SRGAP3: variants seen among roughly 807,000 people sequenced by gnomAD.
The protein encoded by SRGAP3 is SLIT-ROBO Rho GTPase-activating protein 3.
In SRGAP3, 39 loss-of-function variants were observed where a neutral mutation model predicts 121.1. The observed-to-expected ratio is 0.32, with a 90% CI of 0.25 to 0.42. The LOEUF (loss-of-function observed/expected upper bound fraction) is 0.42, where lower values mean the gene tolerates loss of function less well. SRGAP3 is among the 10% of genes least tolerant of loss of function. The pLI, the probability that SRGAP3 is intolerant of heterozygous loss-of-function variation, is 1.00. For missense variants in SRGAP3, 1,213 were observed against 1,470.6 expected (o/e 0.82, Z 2.86); for synonymous variants, 601 against 570.0 (o/e 1.05, Z -0.77).
chr3:9,112,117 C>T (rs1010385641), intron 2 of SRGAP3, among the ~76,000 whole-genome samples: 1 of 152,162 alleles, frequency 6.6e-6, no homozygotes, highest in Admixed American at 6.5e-5. Flanking sequence ...GGCTGAGGGC[C>T]GGAAAATTCC....
intron 3 of SRGAP3, among the ~76,000 whole-genome samples, chr3:9,096,960 TATATATATATATATATATATAC>T (rs752406906): frequency 0.058 from 6,092 of 104,142 alleles, 338 homozygotes; most frequent in Non-Finnish European, 0.08. Flanking sequence ...TATATATATA[TATATATATATATATATATATAC>T]ACATACACAC....
chr3:9,001,352 T>C (rs937775199), intron 18 of SRGAP3, among the ~76,000 whole-genome samples: 1 of 152,196 alleles, frequency 6.6e-6, no homozygotes, highest in Non-Finnish European at 1.5e-5. Context: ...TTGTATCCAA[T>C]AAATATGTCC....
At chr3:9,126,594 C>T (rs1370253454) in intron 1 of SRGAP3, among the ~76,000 whole-genome samples, 6 of 151,738 alleles carry the variant, frequency 4.0e-5, no homozygotes, top group African/African-American at 9.7e-5. Flanking sequence ...CCAGCCTGGG[C>T]GACAGAGCAA....
intron 1 of SRGAP3, among the ~76,000 whole-genome samples, chr3:9,154,472 C>A (rs1398549140): frequency 6.6e-6 from 1 of 151,852 alleles, no homozygotes; most frequent in Non-Finnish European, 1.5e-5. Flanking sequence ...CACCATTTCC[C>A]AAGACATTGC....
At chr3:9,112,476 C>T (rs1399426296) in intron 2 of SRGAP3, among the ~76,000 whole-genome samples, 4 of 152,246 alleles carry the variant, frequency 2.6e-5, no homozygotes, top group African/African-American at 9.6e-5. Flanking sequence ...AGCCACACTT[C>T]CCACTTCGTG....
intron 2 of SRGAP3, among the ~76,000 whole-genome samples, chr3:9,119,058 T>A (rs1269662490): frequency 6.6e-6 from 1 of 151,944 alleles, no homozygotes; most frequent in Non-Finnish European, 1.5e-5. Flanking sequence ...GGGTCAAGAG[T>A]CACCCTCTCT....
intron 4 of SRGAP3, among the ~76,000 whole-genome samples, chr3:9,075,394 C>CGCGT (rs1560085560): frequency 5.1e-4 from 73 of 143,844 alleles, no homozygotes; most frequent in African/African-American, 2.0e-3. Context: ...TGTGTGTGCG[C>CGCGT]GCGCACATAT....
rs1460449757 is a variant in SRGAP3 at position 8,983,176 on chromosome 3, C to G, written c.*2343G>C. 4.4e-6 allele frequency: 1 copy of G among 226,752 alleles called. No homozygotes were observed. The allele number at this position is 226,752 out of a possible 1,614,324, so 14.0% of individuals were successfully genotyped here. On this transcript the variant is annotated 3_prime_UTR_variant, in exon 22 of 22. Coordinates refer to ENST00000383836, the MANE Select transcript of SRGAP3 (RefSeq NM_014850.4). ...CAAACACATGACTTTAAGAGCCTGACGCAGCCTCTGCTCCTAGCCAGTGTC... is the reference window on the plus strand; with the variant it reads ...CAAACACATGACTTTAAGAGCCTGAGGCAGCCTCTGCTCCTAGCCAGTGTC...
At chr3:9,286,695 C>T (rs994765957) in intron 3 of SRGAP3, among the ~76,000 whole-genome samples, 7 of 150,882 alleles carry the variant, frequency 4.6e-5, no homozygotes, top group African/African-American at 1.2e-4. Flanking sequence ...CTTCGCCTCC[C>T]GGGTTCCCGC....
chr3:9,319,899 GC>G (rs1433520965), intron 3 of SRGAP3, among the ~76,000 whole-genome samples: 4 of 151,952 alleles, frequency 2.6e-5, no homozygotes, highest in Non-Finnish European at 4.4e-5. Flanking sequence ...AGCAGAGAAA[GC>G]CCCGAGTCAA....
chr3:9,030,153 A>AAATG (rs149686122), intron 12 of SRGAP3, among the ~76,000 whole-genome samples: 9,404 of 148,244 alleles, frequency 0.063, 304 homozygotes, highest in African/African-American at 0.073. Flanking sequence ...CTGCCTCAAT[A>AAATG]AATGAATGAA....
chr3:9,077,124 C>T (rs1183712769), intron 4 of SRGAP3, among the ~76,000 whole-genome samples: 2 of 151,262 alleles, frequency 1.3e-5, no homozygotes, highest in Non-Finnish European at 2.9e-5. Context: ...TCCCCCACCC[C>T]CTCCCCCTCC....
intron 3 of SRGAP3, among the ~76,000 whole-genome samples, chr3:9,295,657 C>T (rs970155073): frequency 6.6e-6 from 1 of 152,000 alleles, no homozygotes; most frequent in Non-Finnish European, 1.5e-5. Flanking sequence ...ATAAATTTTA[C>T]CATTTTAACC....
At chr3:9,058,684 G>C in intron 6 of SRGAP3, 1 of 560,692 alleles carries the variant, frequency 1.8e-6, no homozygotes. Flanking sequence ...GCAGAACTAG[G>C]TTCCCTATAT....
intron 1 of SRGAP3, among the ~76,000 whole-genome samples, chr3:9,343,348 T>C (rs1955826272): frequency 6.6e-6 from 1 of 152,184 alleles, no homozygotes; most frequent in Non-Finnish European, 1.5e-5. Context: ...TAAATCAGCT[T>C]TTCCTTCTCC....
chr3:9,203,226 G>A (rs1952128887), intron 1 of SRGAP3, among the ~76,000 whole-genome samples: 1 of 152,144 alleles, frequency 6.6e-6, no homozygotes, highest in Non-Finnish European at 1.5e-5. Flanking sequence ...GCTGCAGCTT[G>A]TCACTATGAC....
At chr3:9,018,205 T>C (rs910579245) in intron 14 of SRGAP3, among the ~76,000 whole-genome samples, 3 of 152,244 alleles carry the variant, frequency 2.0e-5, no homozygotes, top group African/African-American at 7.2e-5. Context: ...TATGGCTGGA[T>C]AGTATTCTAC....
intron 3 of SRGAP3, among the ~76,000 whole-genome samples, chr3:9,278,612 G>A (rs552557885): frequency 1.2e-4 from 18 of 152,314 alleles, no homozygotes; most frequent in African/African-American, 3.4e-4. Context: ...TGTCACAAAC[G>A]TAAGATTACT....
chr3:9,308,546 T>C (rs1173530265), intron 3 of SRGAP3, among the ~76,000 whole-genome samples: 1 of 152,192 alleles, frequency 6.6e-6, no homozygotes, highest in African/African-American at 2.4e-5. Flanking sequence ...TCACTAAATC[T>C]CATTTCCTCT....
Sources: gnomAD v4.1 joint callset for allele counts (sites outside exome capture counted in the v4.1 genomes callset) on GRCh38, gnomAD v4.1.1 for gene constraint, MANE v1.5 for transcripts, NCBI Gene and HGNC (gene_info 2026-07-23, HGNC 2026-07-21) for gene names.